Variants in TBC1D32 observed in about 807,000 individuals in gnomAD.
The protein encoded by TBC1D32 is protein broad-minded.
In TBC1D32, 151 loss-of-function variants were observed where a neutral mutation model predicts 170.3. The ratio of observed to expected loss-of-function variants is 0.89; its 90% CI spans 0.78 to 1.01. The LOEUF (loss-of-function observed/expected upper bound fraction) is 1.01. Ranked by LOEUF, TBC1D32 falls within the 50% of genes least tolerant of loss-of-function variation. The pLI, the probability that TBC1D32 is intolerant of heterozygous loss-of-function variation, is 0.00. For missense variants in TBC1D32, 1,464 were observed against 1,457.1 expected (o/e 1.00, Z -0.08); for synonymous variants, 498 against 488.0 (o/e 1.02, Z -0.27).
intron 22 of TBC1D32, among the ~76,000 whole-genome samples, chr6:121,186,367 A>G (rs1296482789): frequency 6.6e-6 from 1 of 152,082 alleles, no homozygotes; most frequent in African/African-American, 2.4e-5. Flanking sequence ...ATGGAAGACT[A>G]ACGCAAACCA....
intron 21 of TBC1D32, among the ~76,000 whole-genome samples, chr6:121,218,190 C>A (rs996435737): frequency 3.3e-5 from 5 of 152,006 alleles, no homozygotes; most frequent in African/African-American, 1.2e-4. Flanking sequence ...AAGAAGTCTA[C>A]AAAGACAACT....
At chr6:121,238,187 C>A (rs1488172373) in intron 20 of TBC1D32, among the ~76,000 whole-genome samples, 1 of 152,056 alleles carries the variant, frequency 6.6e-6, no homozygotes, top group African/African-American at 2.4e-5. Flanking sequence ...TAGTCCTAAG[C>A]TTTCTATTCT....
chr6:121,111,953 A>AC (rs1689357012), intron 29 of TBC1D32, among the ~76,000 whole-genome samples: 2 of 152,166 alleles, frequency 1.3e-5, no homozygotes, highest in Admixed American at 1.3e-4. Context: ...AAATAAATAA[A>AC]ATAAACATAA....
At chr6:121,201,284 T>G (rs1791528030) in intron 22 of TBC1D32, among the ~76,000 whole-genome samples, 1 of 151,442 alleles carries the variant, frequency 6.6e-6, no homozygotes, top group Non-Finnish European at 1.5e-5. Flanking sequence ...ACTTCACATA[T>G]TAGGTAACTA....
chr6:121,222,951 T>C (rs140764261), intron 21 of TBC1D32, among the ~76,000 whole-genome samples: 51 of 152,274 alleles, frequency 3.3e-4, no homozygotes, highest in African/African-American at 1.1e-3. Context: ...TAATGAGTCA[T>C]CTAAAAATCA....
chr6:121,223,395 C>T (rs1415936829), intron 20 of TBC1D32, 43 bp from the exon 21 acceptor site: 1 of 1,310,964 alleles, frequency 7.6e-7, no homozygotes, highest in Admixed American at 2.0e-5. Context: ...TCACTTTTGT[C>T]AACCACATCC....
At chr6:121,168,829 AAG>A (rs1786524773) in intron 22 of TBC1D32, among the ~76,000 whole-genome samples, 4 of 152,130 alleles carry the variant, frequency 2.6e-5, no homozygotes, top group Admixed American at 2.6e-4. Flanking sequence ...CTGCCACAAA[AAG>A]AATAAAATAC....
intron 12 of TBC1D32, among the ~76,000 whole-genome samples, chr6:121,285,794 C>G (rs938915694): frequency 1.3e-5 from 2 of 152,148 alleles, no homozygotes; most frequent in Admixed American, 6.5e-5. Context: ...ACAAAACTTC[C>G]AAAGGAACAA....
At chr6:121,290,068 C>G (rs1804583245) in intron 12 of TBC1D32, among the ~76,000 whole-genome samples, 1 of 152,112 alleles carries the variant, frequency 6.6e-6, no homozygotes, top group Non-Finnish European at 1.5e-5. Context: ...CTAGGCAATA[C>G]CATTCAGGAC....
intron 24 of TBC1D32, among the ~76,000 whole-genome samples, chr6:121,149,781 TA>T (rs1783971273): frequency 6.6e-6 from 1 of 152,154 alleles, no homozygotes; most frequent in African/African-American, 2.4e-5. Context: ...TACATTTTTT[TA>T]GTTCTGTGAA....
chr6:121,108,549 T>C (rs1778914925), intron 29 of TBC1D32, among the ~76,000 whole-genome samples: 2 of 152,066 alleles, frequency 1.3e-5, no homozygotes, highest in Admixed American at 6.6e-5. Flanking sequence ...AATAAAGACA[T>C]TGGCTTTGAG....
rs558391371 is a variant in TBC1D32, at chr6:121,198,650, C to T, written c.2570+6425G>A. On this transcript the variant is annotated intron_variant, in intron 22 of 31. Transcript: ENST00000398212. ...CCTGTAGTCCCAGCTACTCGGGAGG[C>T]TGAGGCAGGAGAATGGCATGAACCC... is the stretch of plus-strand genomic sequence containing the variant. Among the ~76,000 whole-genome samples, 17 of 151,064 alleles carry T rather than the reference C, an allele frequency of 1.1e-4. No individual in the cohort carries two copies. The East Asian group carries it at 3.3e-3, about 29-fold the overall frequency.
intron 31 of TBC1D32, among the ~76,000 whole-genome samples, chr6:121,081,135 CA>C (rs1249031193): frequency 6.6e-6 from 1 of 151,446 alleles, no homozygotes; most frequent in East Asian, 1.9e-4. Context: ...TTACAGCTAC[CA>C]AAAAAACAAA....
intron 3 of TBC1D32, among the ~76,000 whole-genome samples, chr6:121,311,230 T>C (rs1186315644): frequency 6.6e-6 from 1 of 152,162 alleles, no homozygotes; most frequent in Non-Finnish European, 1.5e-5. Context: ...ACAGTGCTGT[T>C]TGGACTGTTC....
chr6:121,305,425 T>C (rs1158195929), intron 5 of TBC1D32, among the ~76,000 whole-genome samples: 5 of 152,024 alleles, frequency 3.3e-5, no homozygotes, highest in Non-Finnish European at 7.4e-5. Context: ...GTAGCTATTA[T>C]TATCCCTTTA....
rs533689887 is a variant in TBC1D32 at position 121,312,812 on chromosome 6, G to A, written c.496-1965C>T. ...CATGCTGTCAGCCCACTTGCATGTA[G>A]ACACAGCTTAGTTTAGTCTTTACAT... On this transcript the variant is annotated intron_variant, in intron 3 of 31. Coordinates refer to ENST00000398212, the MANE Select transcript of TBC1D32 (RefSeq NM_152730.6). 2.0e-5 allele frequency among the ~76,000 whole-genome samples: 3 copies of A among 152,300 alleles called. No homozygotes were observed. The East Asian group carries it at 5.8e-4, about 29-fold the overall frequency.
chr6:121,247,507 C>T (rs555986003), intron 17 of TBC1D32, among the ~76,000 whole-genome samples: 3 of 151,426 alleles, frequency 2.0e-5, no homozygotes, highest in Non-Finnish European at 2.9e-5. Context: ...CTAAATGCTC[C>T]ACTTCAAAGA....
intron 22 of TBC1D32, among the ~76,000 whole-genome samples, chr6:121,184,158 C>A (rs1486152114): frequency 6.6e-6 from 1 of 152,002 alleles, no homozygotes; most frequent in East Asian, 1.9e-4. Flanking sequence ...CAGGCACGGA[C>A]AATGTATCTT....
intron 21 of TBC1D32, among the ~76,000 whole-genome samples, chr6:121,211,666 G>A (rs923133428): frequency 6.6e-6 from 1 of 152,132 alleles, no homozygotes; most frequent in Admixed American, 6.5e-5. Context: ...TTATGGCTGA[G>A]TAGTATTACA....
Sources: allele counts gnomAD v4.1 joint callset (sites outside exome capture counted in the v4.1 genomes callset), GRCh38; gene constraint gnomAD v4.1.1; transcripts MANE v1.5; gene names NCBI Gene and HGNC (gene_info 2026-07-23, HGNC 2026-07-21).